MED27: variants seen among roughly 807,000 people sequenced by gnomAD.
MED27 encodes mediator of RNA polymerase II transcription subunit 27.
Under a neutral mutation model 38.2 loss-of-function variants are expected in MED27, and 30 were observed. The observed-to-expected ratio is 0.79, with a 90% confidence interval of 0.59 to 1.07. The LOEUF (loss-of-function observed/expected upper bound fraction) is 1.07. MED27 is among the 50% of genes least tolerant of loss of function. MED27 has a pLI of 0.00. For missense variants in MED27, 289 were observed against 397.5 expected (o/e 0.73, Z 2.32); for synonymous variants, 122 against 153.5 (o/e 0.79, Z 1.52).
intron 4 of MED27, among the ~76,000 whole-genome samples, chr9:131,919,774 A>G (rs2131549595): frequency 6.6e-6 from 1 of 152,084 alleles, no homozygotes; most frequent in East Asian, 1.9e-4. Context: ...TTTATACTGT[A>G]AATTGTAATT....
chr9:131,911,550 G>A (rs531872362), intron 4 of MED27, among the ~76,000 whole-genome samples: 8 of 152,292 alleles, frequency 5.3e-5, no homozygotes, highest in East Asian at 1.9e-4. Context: ...CATTTGCTTC[G>A]TGGCAAGGCA....
chr9:132,049,493 C>CTA (rs1833415346), intron 2 of MED27, among the ~76,000 whole-genome samples: 1 of 152,218 alleles, frequency 6.6e-6, no homozygotes, highest in East Asian at 1.9e-4. Context: ...AGTGGTCATT[C>CTA]TAGAGCCCAG....
At chr9:132,033,945 T>C (rs1410989785) in intron 2 of MED27, among the ~76,000 whole-genome samples, 1 of 152,226 alleles carries the variant, frequency 6.6e-6, no homozygotes, top group Admixed American at 6.5e-5. Context: ...CAATTTGAGA[T>C]TTTTCATTCA....
intron 2 of MED27, among the ~76,000 whole-genome samples, chr9:132,036,190 A>G (rs1448037287): frequency 6.6e-6 from 1 of 152,072 alleles, no homozygotes; most frequent in African/African-American, 2.4e-5. Context: ...CTTTTGGTTT[A>G]TATGTATTAC....
At chr9:131,987,998 T>C (rs1260424926) in intron 3 of MED27, among the ~76,000 whole-genome samples, 2 of 152,230 alleles carry the variant, frequency 1.3e-5, no homozygotes, top group South Asian at 2.1e-4. Flanking sequence ...TCTGTGTCCA[T>C]TAAGACAAGG....
intron 3 of MED27, among the ~76,000 whole-genome samples, chr9:131,978,755 C>T (rs1313826967): frequency 6.6e-6 from 1 of 152,228 alleles, no homozygotes; most frequent in African/African-American, 2.4e-5. Flanking sequence ...TAACCTTGTA[C>T]CATTCTGCAC....
chr9:132,037,862 T>C (rs1217157281), intron 2 of MED27, among the ~76,000 whole-genome samples: 1 of 152,142 alleles, frequency 6.6e-6, no homozygotes. Context: ...AGACAGGAGC[T>C]GCACCTAGAT....
chr9:132,047,476 G>A (rs1212236852), intron 2 of MED27, among the ~76,000 whole-genome samples: 26 of 82,852 alleles, frequency 3.1e-4, no homozygotes, highest in East Asian at 1.1e-3. Context: ...ACACACACAC[G>A]TCTTAGTCCA....
intron 3 of MED27, among the ~76,000 whole-genome samples, chr9:131,979,054 T>C (rs941303796): frequency 6.6e-6 from 1 of 152,180 alleles, no homozygotes; most frequent in Admixed American, 6.5e-5. Context: ...AACTACCTGG[T>C]GACAATTTGG....
Position 132,033,842 on chromosome 9 carries a change from C to T in MED27, c.349-19375G>A, listed in dbSNP as rs920894394. Among the ~76,000 whole-genome samples the T allele has an allele frequency of 8.5e-5, 13 of 152,222 alleles. 1 individual carries two copies. The highest frequency in any genetic ancestry group is 2.9e-4 in the African/African-American group (12 of 41,458). ...CCTAACACAAGAATCCAAGGACATT[C>T]ATAACTTGGTTATTAAAAATACACT... On this transcript the variant is annotated intron_variant, in intron 2 of 7. Transcript: ENST00000292035.
chr9:131,901,085 G>A (rs945841255), intron 4 of MED27, among the ~76,000 whole-genome samples: 1 of 132,302 alleles, frequency 7.6e-6, no homozygotes, highest in African/African-American at 2.8e-5. Context: ...GAGATGGGGA[G>A]AGAGAATGAG....
rs1200762393 is a variant in MED27, at chr9:132,069,207, CA to C, written c.348+8234del. ...CAAGCAGGGTATCAACATGAGTCCC[CA>C]TGGCCAGTGGCTCCCAGACGGCAAG... On this transcript the variant is annotated intron_variant, in intron 2 of 7. Coordinates refer to ENST00000292035, the MANE Select transcript of MED27 (RefSeq NM_004269.4). Among the ~76,000 whole-genome samples the C allele has an allele frequency of 5.9e-5, 9 of 152,260 alleles. No homozygotes were observed. The East Asian group carries it at 1.5e-3, about 26-fold the overall frequency.
chr9:131,904,894 G>C (rs576514940), intron 4 of MED27, among the ~76,000 whole-genome samples: 1 of 152,326 alleles, frequency 6.6e-6, no homozygotes, highest in East Asian at 1.9e-4. Context: ...TTATGAAATA[G>C]TTTTCCATCT....
chr9:132,060,880 C>T (rs1017820627), intron 2 of MED27, among the ~76,000 whole-genome samples: 5 of 152,140 alleles, frequency 3.3e-5, no homozygotes, highest in East Asian at 1.9e-4. Flanking sequence ...ACCCACAAAG[C>T]GGAGGTTGCA....
chr9:132,060,670 T>C (rs541054880), intron 2 of MED27, among the ~76,000 whole-genome samples: 5 of 152,300 alleles, frequency 3.3e-5, no homozygotes, highest in Admixed American at 2.6e-4. Context: ...ATTTCCCAGC[T>C]GGGCGCAGTG....
At chr9:131,958,192 T>C (rs552016204) in intron 3 of MED27, among the ~76,000 whole-genome samples, 52 of 152,184 alleles carry the variant, frequency 3.4e-4, no homozygotes, top group Admixed American at 2.1e-3. Context: ...GGAACATGCA[T>C]TGAATTCTCA....
rs1309296584 is a variant in MED27, at chr9:131,889,399, T to G, written c.681+4486A>C. 6.6e-6 allele frequency among the ~76,000 whole-genome samples: 1 copy of G among 152,242 alleles called. No homozygotes were observed. The highest frequency in any genetic ancestry group is 1.5e-5 in the Non-Finnish European group (1 of 68,044). The stretch of plus-strand genomic sequence containing the variant: ...AATTCGAACGAGACACATTTTTTTT[T>G]CAGTTAAGTCTGACTGGTATAAAAT... On this transcript the variant is annotated intron_variant, in intron 5 of 7. Coordinates refer to ENST00000292035, the MANE Select transcript of MED27 (RefSeq NM_004269.4). The surrounding 1 kb of genome is among the most constrained non-coding windows in gnomAD (Gnocchi z 4.2).
intron 6 of MED27, among the ~76,000 whole-genome samples, chr9:131,873,728 G>A (rs1838875000): frequency 6.6e-6 from 1 of 152,196 alleles, no homozygotes; most frequent in African/African-American, 2.4e-5. Context: ...AGAGGTGAAG[G>A]CAGACATTGC....
chr9:132,072,403 T>C (rs535667042), intron 2 of MED27, among the ~76,000 whole-genome samples: 77 of 152,308 alleles, frequency 5.1e-4, no homozygotes, highest in South Asian at 1.4e-3. Context: ...TCAGGTAGTC[T>C]TGACTCCAGA....
Sources: allele counts gnomAD v4.1 joint callset (sites outside exome capture counted in the v4.1 genomes callset), GRCh38; gene constraint gnomAD v4.1.1; non-coding constraint Gnocchi (gnomAD v3.1); transcripts MANE v1.5; gene names NCBI Gene and HGNC (gene_info 2026-07-23, HGNC 2026-07-21).